The following MOGAT1 variants were observed in gnomAD, a reference collection of about 807,000 sequenced individuals.
The protein encoded by MOGAT1 is 2-acylglycerol O-acyltransferase 1.
MOGAT1 carries 32 observed loss-of-function variants against 31.4 expected under a neutral mutation model. The observed-to-expected ratio is 1.02, with a 90% CI of 0.77 to 1.37. MOGAT1 has a LOEUF of 1.37. Among genes scored for constraint, MOGAT1 ranks in the 40% most tolerant of loss-of-function variants. MOGAT1 has a pLI of 0.00. For synonymous variants in MOGAT1, 145 were observed against 144.5 expected (o/e 1.00, Z -0.03); for missense variants, 426 against 402.0 (o/e 1.06, Z -0.51).
intron 5 of MOGAT1, among the ~76,000 whole-genome samples, chr2:222,703,420 T>C (rs537325266): frequency 6.6e-6 from 1 of 152,274 alleles, no homozygotes; most frequent in East Asian, 1.9e-4. Flanking sequence ...TTTTGTTTGT[T>C]TGTTTGTTTT....
In MOGAT1 at chr2:222,695,173, T is replaced by G. The variant is rs371195232; in HGVS notation, c.738T>G (p.Thr246=). 4 of 1,613,662 alleles carry G rather than the reference T, an allele frequency of 2.5e-6. No homozygotes were observed. In the African/African-American group the frequency reaches 5.3e-5, roughly 22 times the overall value. The change falls in exon 5 of 6, where the codon ACT becomes ACG. Residue 246 remains threonine (T), a synonymous_variant. Transcript: ENST00000446656. ...ACCCTGAAGGATCATGGATTAGAAC[T>G]GTTCAGAATAAACTGCAGAAGATCA... ...TDNPEGSWIR[T]VQNKLQKIMG... is the part of the protein sequence containing the mutation.
At chr2:222,676,150 C>CT (rs59763447) in intron 1 of MOGAT1, among the ~76,000 whole-genome samples, 8,774 of 140,284 alleles carry the variant, frequency 0.063, 528 homozygotes, top group African/African-American at 0.16. Flanking sequence ...CACTGATCTC[C>CT]TTTTTTTTTT....
chr2:222,689,594 C>T, intron 3 of MOGAT1, 125 bp downstream of exon 3: 1 of 840,414 alleles, frequency 1.2e-6, no homozygotes, highest in East Asian at 2.5e-5. Flanking sequence ...CCTCATCTGG[C>T]ACTTCCTATG....
chr2:222,687,123 AAAAAAAAAAAAAAAAAGAAAGAACAAG>A (rs1424919011), intron 1 of MOGAT1, among the ~76,000 whole-genome samples: 3 of 119,400 alleles, frequency 2.5e-5, no homozygotes, highest in East Asian at 4.6e-4. Flanking sequence ...CAAAAAAAAA[AAAAAAAAAAAAAAAAAGAAAGAACAAG>A]AAAGAAAGAA....
intron 5 of MOGAT1, chr2:222,699,182 T>G (rs372578700): frequency 1.3e-5 from 2 of 152,238 alleles, no homozygotes; most frequent in East Asian, 3.9e-4. Flanking sequence ...TTTTGTATTT[T>G]TAGTACAGAC....
intron 5 of MOGAT1, among the ~76,000 whole-genome samples, chr2:222,708,615 CAGTT>C (rs954230993): frequency 1.3e-5 from 2 of 152,120 alleles, no homozygotes; most frequent in African/African-American, 2.4e-5. Flanking sequence ...TTATATAACA[CAGTT>C]AGAGTGAAAT....
chr2:222,685,846 C>G (rs370368845), intron 1 of MOGAT1, among the ~76,000 whole-genome samples: 1 of 151,948 alleles, frequency 6.6e-6, no homozygotes, highest in Non-Finnish European at 1.5e-5. Context: ...GGTATCCACC[C>G]ACCTCAGCCT....
At chr2:222,687,653 C>T (rs2106036306) in intron 1 of MOGAT1, among the ~76,000 whole-genome samples, 1 of 152,298 alleles carries the variant, frequency 6.6e-6, no homozygotes, top group East Asian at 1.9e-4. Flanking sequence ...TAGGATTGCT[C>T]TCTCATTATC....
intron 3 of MOGAT1, 45 bp downstream of exon 3, chr2:222,689,514 A>C: frequency 6.5e-7 from 1 of 1,549,138 alleles, no homozygotes; most frequent in Non-Finnish European, 8.9e-7. Context: ...TTGGGGTAGC[A>C]GGAGCACACA....
intron 5 of MOGAT1, among the ~76,000 whole-genome samples, chr2:222,707,377 G>GAAAGA (rs1693021216): frequency 7.6e-6 from 1 of 131,034 alleles, no homozygotes; most frequent in South Asian, 2.7e-4. Flanking sequence ...GAAAGAGAAA[G>GAAAGA]AAAGAAAAGA....
At chr2:222,707,361 G>GAAAAAGAAAGAAAGAGAA (rs1553563347) in intron 5 of MOGAT1, among the ~76,000 whole-genome samples, 4 of 120,978 alleles carry the variant, frequency 3.3e-5, no homozygotes, top group Non-Finnish European at 5.3e-5. Flanking sequence ...AAGAAAGAAA[G>GAAAAAGAAAGAAAGAGAA]AGAAAGAAAG....
At chr2:222,676,150 CTTT>C (rs59763447) in intron 1 of MOGAT1, among the ~76,000 whole-genome samples, 3 of 140,294 alleles carry the variant, frequency 2.1e-5, no homozygotes, top group Admixed American at 1.4e-4. Flanking sequence ...CACTGATCTC[CTTT>C]TTTTTTTTTT....
At chr2:222,709,664 G>C (rs1185872983) in intron 5 of MOGAT1, 72 bp from the exon 6 acceptor site, 23 of 1,397,680 alleles carry the variant, frequency 1.6e-5, no homozygotes, top group Middle Eastern at 3.6e-4. Flanking sequence ...GTTCACAGCT[G>C]TGCATTAGGG....
chr2:222,708,424 C>T (rs1178392155), intron 5 of MOGAT1, among the ~76,000 whole-genome samples: 1 of 152,098 alleles, frequency 6.6e-6, no homozygotes, highest in Non-Finnish European at 1.5e-5. Context: ...TAGCAGCATC[C>T]GACCAGCAGG....
rs572392301 is a variant in MOGAT1 at position 222,689,448 on chromosome 2, C to T, written c.457C>T (p.Arg153Ter). ...LPLWFWCPVF[R>*]EYVMSVGLVS... ...ACTTTGGTTCTGGTGTCCTGTCTTTCGAGAATATGTGATGAGTGTTGGTAA... is the reference window on the plus strand; with the variant it reads ...ACTTTGGTTCTGGTGTCCTGTCTTTTGAGAATATGTGATGAGTGTTGGTAA... The change falls in exon 3 of 6, where the codon CGA becomes TGA. Residue 153 changes from arginine to a stop codon, truncating the protein, a stop_gained. Transcript: ENST00000446656. LOFTEE classifies it high-confidence loss of function. 1.2e-5 allele frequency: 19 copies of T among 1,613,930 alleles called. No homozygotes were observed. The highest frequency in any genetic ancestry group is 6.7e-5 in the East Asian group (3 of 44,876).
intron 1 of MOGAT1, among the ~76,000 whole-genome samples, chr2:222,685,462 T>C (rs1322430667): frequency 1.3e-5 from 2 of 152,204 alleles, no homozygotes; most frequent in East Asian, 3.8e-4. Flanking sequence ...CAATTAGCAG[T>C]TCCATTCCAG....
chr2:222,708,388 T>C (rs1013782705), intron 5 of MOGAT1, among the ~76,000 whole-genome samples: 1 of 152,118 alleles, frequency 6.6e-6, no homozygotes, highest in African/African-American at 2.4e-5. Flanking sequence ...CCGGCCATCC[T>C]GTACATTTTC....
intron 1 of MOGAT1, 62 bp downstream of exon 1, chr2:222,671,941 G>A: frequency 7.5e-7 from 1 of 1,336,568 alleles, no homozygotes; most frequent in Non-Finnish European, 1.0e-6. Context: ...GGGACGGTCC[G>A]GATTCCAGGA....
intron 1 of MOGAT1, among the ~76,000 whole-genome samples, chr2:222,684,890 T>C (rs1692639882): frequency 6.6e-6 from 1 of 152,166 alleles, no homozygotes; most frequent in South Asian, 2.1e-4. Context: ...TTACTTCTTA[T>C]TATCTTATGG....
Sources: allele counts gnomAD v4.1 joint callset (sites outside exome capture counted in the v4.1 genomes callset), GRCh38; gene constraint gnomAD v4.1.1; transcripts MANE v1.5; gene names NCBI Gene and HGNC (gene_info 2026-07-23, HGNC 2026-07-21).